CCDC172: variants seen among roughly 807,000 people sequenced by gnomAD.
CCDC172 encodes coiled-coil domain containing 172, also known as coiled-coil domain-containing protein 172.
CCDC172 carries 30 observed loss-of-function variants against 38.0 expected under a neutral mutation model. The ratio of observed to expected loss-of-function variants is 0.79; its 90% CI spans 0.59 to 1.07. CCDC172 has a LOEUF of 1.07. CCDC172 is among the 50% of genes least tolerant of loss of function. The probability of loss-of-function intolerance (pLI) is 0.00; values close to 1 mark genes in which losing one functional copy is unlikely to be tolerated. For synonymous variants in CCDC172, 78 were observed against 88.3 expected (o/e 0.88, Z 0.66); for missense variants, 297 against 290.1 (o/e 1.02, Z -0.17).
chr10:116,379,128 G>A (rs1845282429), intron 8 of CCDC172, among the ~76,000 whole-genome samples, 195 bp from the exon 9 acceptor site: 2 of 151,798 alleles, frequency 1.3e-5, no homozygotes, highest in Non-Finnish European at 2.9e-5. Context: ...ATTGCATGTT[G>A]TTACATATTT....
At chr10:116,343,698 C>G (rs1382170138) in intron 5 of CCDC172, among the ~76,000 whole-genome samples, 1 of 151,992 alleles carries the variant, frequency 6.6e-6, no homozygotes, top group Non-Finnish European at 1.5e-5. Context: ...GTGGGTCTCA[C>G]GTGAATCCTA....
At chr10:116,338,291 A>T (rs1017999491) in intron 3 of CCDC172, among the ~76,000 whole-genome samples, 4 of 151,972 alleles carry the variant, frequency 2.6e-5, no homozygotes, top group African/African-American at 9.7e-5. Flanking sequence ...TTAACCATAG[A>T]TCCTATGTAA....
At position 116,378,508 on chromosome 10, in the gene CCDC172, T is replaced by G; in HGVS notation, c.739T>G (p.Leu247Val). The change falls in exon 8 of 9, where the codon TTG becomes GTG. Residue 247 changes from leucine to valine, a missense_variant and splice_region_variant. Leu to Val is a conservative substitution (Grantham distance 32). Transcript: ENST00000333254. ...ALQTEIEFLE[L>V]TLAQKDLQES... ...CCAAACAGAAATAGAATTTTTGGAG[T>G]TGGTAAGTTATCATTGATTGTTTAA... 1 of 1,601,348 alleles carries G rather than the reference T, an allele frequency of 6.2e-7. No individual in the cohort carries two copies.
chr10:116,368,743 A>G (rs985714145), intron 7 of CCDC172, among the ~76,000 whole-genome samples: 1 of 151,964 alleles, frequency 6.6e-6, no homozygotes, highest in Non-Finnish European at 1.5e-5. Flanking sequence ...AGATGTGCTC[A>G]TTGCTACTGG....
chr10:116,378,898 T>C (rs1279572459), intron 8 of CCDC172, among the ~76,000 whole-genome samples: 3 of 152,180 alleles, frequency 2.0e-5, no homozygotes, highest in Non-Finnish European at 4.4e-5. Flanking sequence ...ACTTTTATTA[T>C]ATTTGATCCT....
chr10:116,341,353 C>T (rs1314699434), intron 4 of CCDC172, among the ~76,000 whole-genome samples: 1 of 152,010 alleles, frequency 6.6e-6, no homozygotes, highest in African/African-American at 2.4e-5. Context: ...AGAACCAACA[C>T]ACTTGGTGGT....
intron 7 of CCDC172, among the ~76,000 whole-genome samples, chr10:116,365,401 T>C (rs1025092868): frequency 2.6e-5 from 4 of 152,106 alleles, no homozygotes; most frequent in African/African-American, 7.2e-5. Context: ...TGTAGTCCAT[T>C]TGAAGTGAAG....
intron 7 of CCDC172, among the ~76,000 whole-genome samples, chr10:116,362,261 G>A (rs1022024347): frequency 6.6e-6 from 1 of 152,230 alleles, no homozygotes; most frequent in Non-Finnish European, 1.5e-5. Flanking sequence ...AGGTATGTCT[G>A]TGTGTGTTTA....
Position 116,340,765 on chromosome 10 carries a change from T to TA in CCDC172, c.198dup (p.Gln67ThrfsTer7). The TA allele has an allele frequency of 6.2e-7, 1 of 1,602,736 alleles. No individual in the cohort carries two copies. Among genetic ancestry groups the TA allele is most frequent in the Non-Finnish European group, 8.5e-7 (1 of 1,172,644 alleles). On this transcript the variant is annotated frameshift_variant, in exon 4 of 9. Coordinates refer to ENST00000333254, the MANE Select transcript of CCDC172 (RefSeq NM_198515.3). LOFTEE classifies it high-confidence loss of function. Reference sequence around the variant, plus strand: ...CAGTTTTTTGAAAAATCCTTCTTCTTACAGCTTTTGAAAGCTCATGAAAAT... The same window carrying TA: ...CAGTTTTTTGAAAAATCCTTCTTCTTAACAGCTTTTGAAAGCTCATGAAAAT...
intron 7 of CCDC172, among the ~76,000 whole-genome samples, chr10:116,371,245 A>T (rs1032999905): frequency 1.3e-5 from 2 of 151,940 alleles, no homozygotes; most frequent in East Asian, 1.9e-4. Context: ...AAGTTTTTTT[A>T]AAATCAGGGA....
At chr10:116,356,339 AAAAG>A (rs1844996163) in intron 5 of CCDC172, among the ~76,000 whole-genome samples, 1 of 140,526 alleles carries the variant, frequency 7.1e-6, no homozygotes, top group Admixed American at 7.3e-5. Context: ...AGAAAAAAAG[AAAAG>A]AAAGAGAAAG....
intron 3 of CCDC172, among the ~76,000 whole-genome samples, chr10:116,328,867 A>G (rs1037101969): frequency 6.6e-6 from 1 of 152,162 alleles, no homozygotes; most frequent in African/African-American, 2.4e-5. Context: ...ACAAATTATT[A>G]TCATTTATAG....
intron 7 of CCDC172, among the ~76,000 whole-genome samples, chr10:116,371,037 A>T (rs1013750942): frequency 1.3e-5 from 2 of 151,784 alleles, no homozygotes; most frequent in South Asian, 4.1e-4. Context: ...GCCTCTAATT[A>T]TTTTCTCTAG....
intron 3 of CCDC172, among the ~76,000 whole-genome samples, chr10:116,339,727 A>G (rs970918379): frequency 3.3e-5 from 5 of 151,880 alleles, no homozygotes; most frequent in African/African-American, 1.2e-4. Context: ...TTTAATGTCA[A>G]TATTTCTAGG....
Position 116,324,648 on chromosome 10 carries a change from A to T in CCDC172, c.-66+35A>T, listed in dbSNP as rs1844566915. 3.0e-5 allele frequency: 6 copies of T among 198,080 alleles called. No homozygotes were observed. The South Asian group carries it at 8.3e-4, about 27-fold the overall frequency. 12.3% of individuals were successfully genotyped at this position (198,080 alleles called of 1,614,324 possible). ...GCCTTTTTATTTGCCACCAAAGCGA[A>T]AAACAAACCCAGGGAGGGACGGAGG... On this transcript the variant is annotated intron_variant, in intron 1 of 8. Coordinates refer to ENST00000333254, the MANE Select transcript of CCDC172 (RefSeq NM_198515.3).
rs897438257 is a variant in CCDC172, at chr10:116,335,825, C to CT, written c.166-4901dup. Among the ~76,000 whole-genome samples, 238 of 151,888 alleles carry CT rather than the reference C, an allele frequency of 1.6e-3. 1 individual carries two copies. The highest frequency in any genetic ancestry group is 5.3e-3 in the African/African-American group (220 of 41,438). On this transcript the variant is annotated intron_variant, in intron 3 of 8. Coordinates refer to ENST00000333254, the MANE Select transcript of CCDC172 (RefSeq NM_198515.3). Reference sequence around the variant, plus strand: ...TTGTTACTAGCTTCTTTACTAAACCCTTTTTTTTATTTCTTGATGGTTTCT... The same window carrying CT: ...TTGTTACTAGCTTCTTTACTAAACCCTTTTTTTTTATTTCTTGATGGTTTCT...
At chr10:116,367,926 CTCCTT>C (rs1393803889) in intron 7 of CCDC172, among the ~76,000 whole-genome samples, 8 of 152,076 alleles carry the variant, frequency 5.3e-5, no homozygotes, top group Non-Finnish European at 1.2e-4. Context: ...AACAATTCCT[CTCCTT>C]TCATTAAATT....
In CCDC172 at chr10:116,325,433, CCTTAA is replaced by C. The variant is rs769335735; in HGVS notation, c.165+49_165+53del. 10 of 1,478,262 alleles carry C rather than the reference CCTTAA, an allele frequency of 6.8e-6. No individual in the cohort carries two copies. In the African/African-American group the frequency reaches 8.4e-5, roughly 12 times the overall value. The allele number at this position is 1,478,262 out of a possible 1,614,324, so 91.6% of individuals were successfully genotyped here. ...ACTAATTATCACTTGAAAAAGCCTG[CCTTAA>C]CTTGACTTTTGGGGGATATTTCAGT... is the stretch of plus-strand genomic sequence containing the variant. On this transcript the variant is annotated intron_variant, in intron 3 of 8. Transcript: ENST00000333254.
intron 4 of CCDC172, among the ~76,000 whole-genome samples, chr10:116,341,101 AT>A (rs1271179377): frequency 6.6e-6 from 1 of 151,974 alleles, no homozygotes; most frequent in African/African-American, 2.4e-5. Flanking sequence ...AGTGGAACTG[AT>A]TTGAATTGCT....
Sources: allele counts gnomAD v4.1 joint callset (sites outside exome capture counted in the v4.1 genomes callset), GRCh38; gene constraint gnomAD v4.1.1; transcripts MANE v1.5; gene names NCBI Gene and HGNC (gene_info 2026-07-23, HGNC 2026-07-21).